The following CYRIB variants were observed in gnomAD, a reference collection of about 807,000 sequenced individuals.
The protein encoded by CYRIB is CYFIP related Rac1 interactor B.
CYRIB carries 8 observed loss-of-function variants against 44.2 expected under a neutral mutation model. That is an observed-to-expected ratio of 0.18 (90% CI 0.11 to 0.33). The LOEUF is 0.33. CYRIB is among the 10% of genes least tolerant of loss of function. The pLI, the probability that CYRIB is intolerant of heterozygous loss-of-function variation, is 1.00. For missense variants in CYRIB, 185 were observed against 382.8 expected (o/e 0.48, Z 4.31); for synonymous variants, 131 against 127.2 (o/e 1.03, Z -0.20).
At chr8:129,895,926 A>C (rs576049834) in intron 2 of CYRIB, among the ~76,000 whole-genome samples, 2 of 152,076 alleles carry the variant, frequency 1.3e-5, no homozygotes, top group Non-Finnish European at 2.9e-5. Context: ...CTAACATTTC[A>C]CCTTGGATTA....
chr8:130,000,947 A>C (rs2096893826), intron 1 of CYRIB, among the ~76,000 whole-genome samples: 1 of 152,198 alleles, frequency 6.6e-6, no homozygotes. Flanking sequence ...AAATTAACTC[A>C]TATACTCATT....
chr8:129,905,455 G>T (rs1024736892), intron 1 of CYRIB, among the ~76,000 whole-genome samples: 1 of 152,162 alleles, frequency 6.6e-6, no homozygotes, highest in African/African-American at 2.4e-5. Flanking sequence ...CCGATGTCGT[G>T]ATCTGCCCAC....
intron 5 of CYRIB, among the ~76,000 whole-genome samples, chr8:129,856,418 T>C (rs1019204958): frequency 6.6e-6 from 1 of 152,156 alleles, no homozygotes; most frequent in African/African-American, 2.4e-5. Flanking sequence ...AAATACTAAA[T>C]ACTAATACTA....
chr8:129,988,365 T>C (rs2096538623), intron 1 of CYRIB, among the ~76,000 whole-genome samples: 1 of 152,160 alleles, frequency 6.6e-6, no homozygotes, highest in African/African-American at 2.4e-5. Context: ...CTCCTTAAGC[T>C]TTCAGGCCCC....
intron 5 of CYRIB, among the ~76,000 whole-genome samples, chr8:129,857,412 CTG>C (rs1320494362): frequency 3.3e-5 from 5 of 152,192 alleles, no homozygotes; most frequent in Non-Finnish European, 1.5e-5. Context: ...AAGCCAGACC[CTG>C]AACTGAGAAG....
chr8:129,918,103 A>G (rs923809438), intron 1 of CYRIB, among the ~76,000 whole-genome samples: 1 of 152,114 alleles, frequency 6.6e-6, no homozygotes, highest in African/African-American at 2.4e-5. Context: ...TTATCCATGG[A>G]CCACCACCAC....
intron 2 of CYRIB, among the ~76,000 whole-genome samples, chr8:129,899,534 T>G (rs1450904899): frequency 6.6e-6 from 1 of 152,170 alleles, no homozygotes; most frequent in East Asian, 1.9e-4. Context: ...AAAAAGGAAA[T>G]GTTTATATAA....
In CYRIB at chr8:129,892,968, T is replaced by C. The variant is rs188139312; in HGVS notation, c.-11+10344A>G. On this transcript the variant is annotated intron_variant, in intron 2 of 11. Coordinates refer to ENST00000519824, the Ensembl canonical transcript of CYRIB. ...CTAGTTCCTCAATTAGCGGCGGATT[T>C]GTGGGAGTTTTATTTTTAGGCTTCA... Among the ~76,000 whole-genome samples, 70 of 152,288 alleles carry C rather than the reference T, an allele frequency of 4.6e-4. No individual in the cohort carries two copies. The South Asian group carries it at 0.01, about 22-fold the overall frequency.
chr8:129,934,782 G>GCTC (rs2092468886), intron 1 of CYRIB, among the ~76,000 whole-genome samples: 1 of 152,182 alleles, frequency 6.6e-6, no homozygotes, highest in Non-Finnish European at 1.5e-5. Context: ...TCATGATTTT[G>GCTC]CAGGAGACAA....
chr8:129,902,058 T>C lies in CYRIB; in HGVS notation c.-11+1254A>G, dbSNP rs186740229. 2.6e-5 allele frequency among the ~76,000 whole-genome samples: 4 copies of C among 152,246 alleles called. No individual in the cohort carries two copies. The East Asian group carries it at 7.7e-4, about 29-fold the overall frequency. On this transcript the variant is annotated intron_variant, in intron 2 of 11. Transcript: ENST00000519824. ...TCTGAGGCAGGATTCATAGGCTTCATAAGATTGCCAAAGAGGTCCTTGGCA... is the reference window on the plus strand; with the variant it reads ...TCTGAGGCAGGATTCATAGGCTTCACAAGATTGCCAAAGAGGTCCTTGGCA...
chr8:129,882,860 G>A (rs1164045178), intron 2 of CYRIB, among the ~76,000 whole-genome samples: 3 of 152,022 alleles, frequency 2.0e-5, no homozygotes, highest in Non-Finnish European at 4.4e-5. Context: ...TAAGGATTGA[G>A]AATTTCTTGC....
chr8:129,867,573 C>A (rs1386995513), intron 4 of CYRIB, among the ~76,000 whole-genome samples: 1 of 151,072 alleles, frequency 6.6e-6, no homozygotes, highest in African/African-American at 2.4e-5. Flanking sequence ...AAATTTTATT[C>A]TATTTAATAA....
At chr8:129,943,448 C>A (rs1324577216), upstream of CYRIB, among the ~76,000 whole-genome samples, 1 of 151,230 alleles carries the variant, frequency 6.6e-6, no homozygotes, top group Non-Finnish European at 1.5e-5. Context: ...AAGAAATTAA[C>A]CAAACATGGT....
chr8:129,922,766 G>A (rs1438805649), intron 1 of CYRIB, among the ~76,000 whole-genome samples: 1 of 151,952 alleles, frequency 6.6e-6, no homozygotes, highest in Non-Finnish European at 1.5e-5. Flanking sequence ...GGGAGGCTGA[G>A]GCAGGAGAAT....
At chr8:129,926,873 T>C (rs771258358) in intron 1 of CYRIB, among the ~76,000 whole-genome samples, 4 of 152,222 alleles carry the variant, frequency 2.6e-5, no homozygotes, top group Non-Finnish European at 5.9e-5. Flanking sequence ...AAAAAGTTAA[T>C]CTAATACTCA....
intron 3 of CYRIB, among the ~76,000 whole-genome samples, chr8:129,872,519 A>G (rs2057681724): frequency 6.6e-6 from 1 of 152,050 alleles, no homozygotes; most frequent in Non-Finnish European, 1.5e-5. Context: ...TTTAAGGAAA[A>G]AGGTGGACTC....
At chr8:129,911,721 T>A (rs556548694) in intron 1 of CYRIB, among the ~76,000 whole-genome samples, 1 of 151,992 alleles carries the variant, frequency 6.6e-6, no homozygotes, top group East Asian at 1.9e-4. Flanking sequence ...ACAGCAATAA[T>A]GCTGTTTTCA....
intron 1 of CYRIB, among the ~76,000 whole-genome samples, chr8:130,004,915 T>C (rs964585618): frequency 3.3e-5 from 5 of 151,638 alleles, no homozygotes; most frequent in African/African-American, 1.2e-4. Flanking sequence ...TACAGGCACG[T>C]GCCACCACAC....
chr8:129,980,889 T>A (rs1308431596), intron 1 of CYRIB, among the ~76,000 whole-genome samples: 6 of 149,694 alleles, frequency 4.0e-5, no homozygotes, highest in Non-Finnish European at 8.9e-5. Flanking sequence ...GAGGCTGAGG[T>A]GGGAGGATCG....
Sources: allele counts gnomAD v4.1 joint callset (sites outside exome capture counted in the v4.1 genomes callset), GRCh38; gene constraint gnomAD v4.1.1; transcripts MANE v1.5; gene names NCBI Gene and HGNC (gene_info 2026-07-23, HGNC 2026-07-21).